VWA5B1: variants seen among roughly 807,000 people sequenced by gnomAD.
VWA5B1 encodes the protein von Willebrand factor A domain containing 5B1.
A neutral mutation model predicts 118.2 loss-of-function variants in VWA5B1; 115 were observed. That is an observed-to-expected ratio of 0.97 (90% CI 0.84 to 1.14). VWA5B1 has a LOEUF of 1.14. Among genes scored for constraint, VWA5B1 ranks in the 50% most tolerant of loss-of-function variants. The probability of loss-of-function intolerance (pLI) is 0.00; values close to 1 mark genes in which losing one functional copy is unlikely to be tolerated. For missense variants in VWA5B1, 1,596 were observed against 1,603.8 expected (o/e 1.00, Z 0.08); for synonymous variants, 682 against 658.4 (o/e 1.04, Z -0.55).
intron 1 of VWA5B1, among the ~76,000 whole-genome samples, chr1:20,309,907 CTGTGTGTGTGTG>C (rs59044353): frequency 2.1e-3 from 178 of 85,490 alleles, no homozygotes; most frequent in South Asian, 5.0e-3. Flanking sequence ...GATGGATTGG[CTGTGTGTGTGTG>C]TGTGTGTGTG....
chr1:20,342,043 A>G (rs1374742543), intron 14 of VWA5B1, among the ~76,000 whole-genome samples: 4 of 151,902 alleles, frequency 2.6e-5, no homozygotes, highest in Admixed American at 2.6e-4. Flanking sequence ...AGTGAGAAAG[A>G]CCTTTTAAGT....
intron 1 of VWA5B1, among the ~76,000 whole-genome samples, chr1:20,292,851 C>T (rs116789530): frequency 1.2e-3 from 187 of 152,268 alleles, no homozygotes; most frequent in African/African-American, 4.3e-3. Context: ...TCACTGTGCC[C>T]GGGTGGGTGG....
At chr1:20,322,018 G>T (rs1353460896) in intron 7 of VWA5B1, among the ~76,000 whole-genome samples, 1 of 152,212 alleles carries the variant, frequency 6.6e-6, no homozygotes, top group Non-Finnish European at 1.5e-5. Context: ...GTTGGAGAAA[G>T]AGAGCAGGAT....
At chr1:20,304,300 G>A (rs1185166166) in intron 1 of VWA5B1, among the ~76,000 whole-genome samples, 1 of 152,160 alleles carries the variant, frequency 6.6e-6, no homozygotes, top group Non-Finnish European at 1.5e-5. Context: ...TGGAGGAGGT[G>A]GATCTAAGCC....
chr1:20,348,635 T>C (rs992382321), intron 18 of VWA5B1, among the ~76,000 whole-genome samples: 3 of 152,128 alleles, frequency 2.0e-5, no homozygotes, highest in Non-Finnish European at 4.4e-5. Flanking sequence ...CCTTCTGAGG[T>C]CTGCTGACCC....
rs570192380 is a variant in VWA5B1 at position 20,296,142 on chromosome 1, C to T, written c.-27+5054C>T. On this transcript the variant is annotated intron_variant, in intron 1 of 21. Coordinates refer to ENST00000289815, the MANE Select transcript of VWA5B1 (RefSeq NM_001039500.3). Reference sequence around the variant, plus strand: ...CCTCCCAAAGTGCTGGGATTACAGGCGTGAGCCACCATGCCCGGCCAAGGT... The same window carrying T: ...CCTCCCAAAGTGCTGGGATTACAGGTGTGAGCCACCATGCCCGGCCAAGGT... 1.4e-4 allele frequency among the ~76,000 whole-genome samples: 22 copies of T among 152,292 alleles called. No homozygotes were observed. The South Asian group carries it at 3.7e-3, about 26-fold the overall frequency.
intron 21 of VWA5B1, among the ~76,000 whole-genome samples, chr1:20,353,128 G>A (rs145707870): frequency 4.0e-4 from 61 of 152,308 alleles, no homozygotes; most frequent in African/African-American, 1.3e-3. Context: ...AGGAGATATG[G>A]CCAAAGGCCT....
At position 20,336,420 on chromosome 1, in the gene VWA5B1, G is replaced by T. The variant is rs1271135398; in HGVS notation, c.1876G>T (p.Ala626Ser). Residue 626 changes from alanine (A) to serine (S), a missense_variant, in exon 13 of 22, where the codon GCA becomes TCA. Coordinates refer to ENST00000289815, the MANE Select transcript of VWA5B1 (RefSeq NM_001039500.3). ...TGGAGACTGTGCCAAGAACTCGGGG[G>T]CACCCTTCATCCTAGGGCAGGCCAA... ...EGGDCAKNSG[A>S]PFILGQAKNA... 6.6e-7 allele frequency: 1 copy of T among 1,520,696 alleles called. No homozygotes were observed. Among genetic ancestry groups the T allele is most frequent in the Non-Finnish European group, 8.8e-7 (1 of 1,130,860 alleles). 94.2% of individuals were successfully genotyped at this position (1,520,696 alleles called of 1,614,324 possible). A position where few individuals can be genotyped will look rare whatever the true frequency, so the allele number is the denominator to read the frequency against.
intron 1 of VWA5B1, among the ~76,000 whole-genome samples, chr1:20,294,777 C>T (rs1475612919): frequency 2.0e-5 from 3 of 152,238 alleles, no homozygotes; most frequent in East Asian, 1.9e-4. Flanking sequence ...TTAGTAGAGA[C>T]GGGGTTTCTC....
In VWA5B1 at chr1:20,332,807, C is replaced by T. The variant is rs770741143; in HGVS notation, c.1614C>T (p.Ser538=). The T allele has an allele frequency of 4.4e-5, 68 of 1,551,696 alleles. No homozygotes were observed. The highest frequency in any genetic ancestry group is 3.4e-4 in the South Asian group (29 of 84,070). ...AGAAGGCCATGGCCCCAGTCCTGAGCGATGTGACTGTGGAGTGGATCTTCC... is the reference window on the plus strand; with the variant it reads ...AGAAGGCCATGGCCCCAGTCCTGAGTGATGTGACTGTGGAGTGGATCTTCC... ...SLKKAMAPVL[S]DVTVEWIFPE... Residue 538 remains serine (S), a synonymous_variant, in exon 12 of 22, where the codon AGC becomes AGT. Coordinates refer to ENST00000289815, the MANE Select transcript of VWA5B1 (RefSeq NM_001039500.3).
At position 20,353,938 on chromosome 1, in the gene VWA5B1, G is replaced by C; in HGVS notation, c.3323G>C (p.Arg1108Thr). 1 of 1,550,754 alleles carries C rather than the reference G, an allele frequency of 6.4e-7. No individual in the cohort carries two copies. The highest frequency in any genetic ancestry group is 1.4e-5 in the African/African-American group (1 of 73,178). Residue 1108 changes from arginine (R) to threonine (T), a missense_variant, in exon 22 of 22, where the codon AGG (arginine) becomes ACG (threonine). Arg to Thr is a moderately conservative substitution (Grantham distance 71). Coordinates refer to ENST00000289815, the MANE Select transcript of VWA5B1 (RefSeq NM_001039500.3). ...CAGCTGTGCACCAGCTCCCCGCCTA[G>C]GCACCCGTCCTGTGACAGCTTCTCC... ...SPQLCTSSPP[R>T]HPSCDSFSLE...
At chr1:20,311,481 T>A (rs1166144925) in intron 2 of VWA5B1, among the ~76,000 whole-genome samples, 1 of 152,216 alleles carries the variant, frequency 6.6e-6, no homozygotes, top group Non-Finnish European at 1.5e-5. Context: ...TGCCCTGGAT[T>A]GTGGCGGAGC....
chr1:20,327,979 T>C lies in VWA5B1; in HGVS notation c.1233T>C (p.Pro411=), dbSNP rs1455319994. The change falls in exon 9 of 22, where the codon CCT becomes CCC. Residue 411 remains proline (P), a synonymous_variant. Transcript: ENST00000289815. The part of the protein sequence containing the change: ...GFGSTFKSLF[P]SSQTYSEDSL... ...GATCCACATTTAAGAGCCTTTTTCC[T>C]TCCAGCCAGACCTACAGTGAGGTAA... The C allele has an allele frequency of 1.5e-5, 24 of 1,551,554 alleles. No homozygotes were observed. Among genetic ancestry groups the C allele is most frequent in the Non-Finnish European group, 2.1e-5 (24 of 1,146,974 alleles).
intron 8 of VWA5B1, 50 bp downstream of exon 8, chr1:20,323,582 C>G (rs2089289961): frequency 1.5e-6 from 2 of 1,317,722 alleles, no homozygotes; most frequent in Non-Finnish European, 1.9e-6. Context: ...CAGGGGAAAT[C>G]AGCTGTGTGC....
intron 14 of VWA5B1, among the ~76,000 whole-genome samples, chr1:20,341,295 C>A (rs1045167907): frequency 1.4e-4 from 22 of 152,350 alleles, no homozygotes; most frequent in African/African-American, 5.3e-4. Flanking sequence ...TATTTGCACT[C>A]TTGTGTATTT....
intron 21 of VWA5B1, among the ~76,000 whole-genome samples, chr1:20,353,167 G>T (rs756261631): frequency 3.3e-5 from 5 of 152,202 alleles, no homozygotes; most frequent in Non-Finnish European, 7.3e-5. Context: ...TTGGCAGCTG[G>T]GGAATGGAGT....
At chr1:20,315,783 C>T (rs561344667) in intron 4 of VWA5B1, among the ~76,000 whole-genome samples, 36 of 152,318 alleles carry the variant, frequency 2.4e-4, no homozygotes, top group Admixed American at 1.9e-3. Flanking sequence ...CAAGGGGGAA[C>T]GTGCAGGGCC....
intron 6 of VWA5B1, 43 bp downstream of exon 6, chr1:20,318,764 G>A: frequency 6.9e-7 from 1 of 1,445,044 alleles, no homozygotes; most frequent in East Asian, 2.6e-5. Context: ...CTGTGGGAGG[G>A]AGGAGGTGCT....
intron 12 of VWA5B1, among the ~76,000 whole-genome samples, chr1:20,334,761 A>C (rs953352649): frequency 1.3e-5 from 2 of 152,168 alleles, no homozygotes; most frequent in African/African-American, 4.8e-5. Context: ...CAGTGAGCCA[A>C]GATCATGCCA....
Sources: gnomAD v4.1 joint callset for allele counts (sites outside exome capture counted in the v4.1 genomes callset) on GRCh38, gnomAD v4.1.1 for gene constraint, MANE v1.5 for transcripts, NCBI Gene and HGNC (gene_info 2026-07-23, HGNC 2026-07-21) for gene names.